ZNF829: variants seen among roughly 807,000 people sequenced by gnomAD.
The protein encoded by ZNF829 is zinc finger protein 829.
In ZNF829, 25 loss-of-function variants were observed where a neutral mutation model predicts 35.2. The observed-to-expected ratio is 0.71, with a 90% CI of 0.52 to 0.99. The LOEUF is 0.99. ZNF829 is among the 50% of genes least tolerant of loss of function. The pLI, the probability that ZNF829 is intolerant of heterozygous loss-of-function variation, is 0.00. For synonymous variants in ZNF829, 136 were observed against 163.2 expected (o/e 0.83, Z 1.27); for missense variants, 417 against 515.3 (o/e 0.81, Z 1.85).
At chr19:36,910,988 C>T (rs994009214) in intron 3 of ZNF829, among the ~76,000 whole-genome samples, 1 of 152,090 alleles carries the variant, frequency 6.6e-6, no homozygotes, top group African/African-American at 2.4e-5. Context: ...GCCTGGACAA[C>T]AGAGTGAAAC....
Position 36,891,686 on chromosome 19 carries a change from G to C in ZNF829, c.1105C>G (p.Gln369Glu). The change falls in exon 6 of 6, where the codon CAA (glutamine) becomes GAA (glutamate). Residue 369 changes from glutamine (Q) to glutamate (E), a missense_variant. Transcript: ENST00000391711. ...KAFIQSSELI[Q>E]HQRIHTDEKP... The stretch of plus-strand genomic sequence containing the variant: ...TCATCTGTATGGATTCTCTGATGTT[G>C]AATAAGTTCTGAGCTCTGAATAAAG... 3.1e-6 allele frequency: 5 copies of C among 1,613,756 alleles called. No homozygotes were observed. Among genetic ancestry groups the C allele is most frequent in the South Asian group, 1.1e-5 (1 of 91,042 alleles).
intron 3 of ZNF829, among the ~76,000 whole-genome samples, chr19:36,911,169 C>T (rs1488079205): frequency 1.3e-5 from 2 of 151,672 alleles, no homozygotes; most frequent in Non-Finnish European, 2.9e-5. Context: ...GTGCCTTAGA[C>T]TTGTGGCTGG....
At chr19:36,914,473 A>T (rs1297837980) in intron 3 of ZNF829, among the ~76,000 whole-genome samples, 1 of 152,174 alleles carries the variant, frequency 6.6e-6, no homozygotes, top group Admixed American at 6.5e-5. Context: ...ATTATTAATC[A>T]CGGAAACCCA....
At chr19:36,907,776 C>G in intron 5 of ZNF829, 153 bp downstream of exon 5, 1 of 572,768 alleles carries the variant, frequency 1.7e-6, no homozygotes, top group Non-Finnish European at 3.0e-6. Context: ...GAGGTACTTG[C>G]TATATTGGAC....
rs532812185 is a variant in ZNF829, at chr19:36,892,104, T to G, written c.687A>C (p.Gln229His). The G allele has an allele frequency of 1.2e-6, 2 of 1,614,070 alleles. No individual in the cohort carries two copies. The highest frequency in any genetic ancestry group is 4.5e-5 in the East Asian group (2 of 44,844). The stretch of plus-strand genomic sequence containing the variant: ...TCTCACCAGTGTGAATCCTCTGATG[T>G]TGAGAAAAATATGAACTACAACTAA... Reference protein sequence around the residue: ...KAFSCSSYFSQHQRIHTGEKP... With the variant: ...KAFSCSSYFSHHQRIHTGEKP... The change falls in exon 6 of 6, where the codon CAA becomes CAC. Residue 229 changes from glutamine to histidine, a missense_variant. By Grantham distance (24) the Gln-to-His change is conservative (BLOSUM62 0). Transcript: ENST00000391711.
chr19:36,896,409 G>A (rs1416431175), intron 5 of ZNF829, among the ~76,000 whole-genome samples: 1 of 152,108 alleles, frequency 6.6e-6, no homozygotes, highest in African/African-American at 2.4e-5. Flanking sequence ...CTTGAACCTG[G>A]GAGGCAGAGG....
At chr19:36,896,614 CA>C (rs1489334936) in intron 5 of ZNF829, among the ~76,000 whole-genome samples, 1 of 152,124 alleles carries the variant, frequency 6.6e-6, no homozygotes, top group African/African-American at 2.4e-5. Flanking sequence ...GATATTAGAC[CA>C]AATGGACCTA....
intron 5 of ZNF829, chr19:36,902,025 A>G (rs760668087): frequency 3.2e-5 from 21 of 649,806 alleles, no homozygotes; most frequent in Non-Finnish European, 5.9e-5. Context: ...CGTAATGGGG[A>G]TGAAGATTCA....
intron 5 of ZNF829, among the ~76,000 whole-genome samples, chr19:36,894,375 G>A (rs146872018): frequency 1.3e-5 from 2 of 152,092 alleles, no homozygotes; most frequent in African/African-American, 4.8e-5. Flanking sequence ...TCAATGTAAG[G>A]ATAAAAGAAA....
At position 36,908,344 on chromosome 19, in the gene ZNF829, A is replaced by C; in HGVS notation, c.212T>G (p.Leu71Arg). 1.2e-6 allele frequency: 2 copies of C among 1,613,204 alleles called. No homozygotes were observed. The highest frequency in any genetic ancestry group is 1.7e-6 in the Non-Finnish European group (2 of 1,179,580). ...ATAGTTATCCTTACCCACTGAAACC[A>C]GGTTGCTGAAATTCTCCAACATCAC... ...KEVMLENFSNLVSVGLSNSKP... is the reference protein window; with the variant it reads ...KEVMLENFSNRVSVGLSNSKP... Residue 71 changes from leucine to arginine, a missense_variant, in exon 4 of 6, where the codon CTG becomes CGG. Physicochemically the swap from Leu to Arg is moderately radical, Grantham distance 102. Transcript: ENST00000391711.
At chr19:36,902,212 C>T (rs73930869) in intron 5 of ZNF829, 3,546 of 184,152 alleles carry the variant, frequency 0.019, 73 homozygotes, top group African/African-American at 0.056. Context: ...CAAAAATAAC[C>T]CCACAACCTC....
chr19:36,897,255 C>A (rs1239441167), intron 5 of ZNF829, among the ~76,000 whole-genome samples: 1 of 152,084 alleles, frequency 6.6e-6, no homozygotes, highest in East Asian at 1.9e-4. Flanking sequence ...ACAACAACAA[C>A]AACAAAAAGA....
At chr19:36,915,373 C>T in intron 1 of ZNF829, 122 bp from the exon 2 acceptor site, 1 of 1,173,186 alleles carries the variant, frequency 8.5e-7, no homozygotes, top group Non-Finnish European at 1.2e-6. Flanking sequence ...CACCTGCCCA[C>T]AAGGAGCCAC....
chr19:36,900,808 A>G (rs1156667863), intron 5 of ZNF829, among the ~76,000 whole-genome samples: 1 of 148,314 alleles, frequency 6.7e-6, no homozygotes, highest in African/African-American at 2.5e-5. Flanking sequence ...AGATTGTGCC[A>G]TTGCACTCCA....
intron 5 of ZNF829, among the ~76,000 whole-genome samples, chr19:36,899,707 G>T (rs2073145203): frequency 1.4e-5 from 2 of 147,300 alleles, no homozygotes; most frequent in Admixed American, 6.9e-5. Context: ...ATACTCTATT[G>T]TATACTAGAA....
intron 3 of ZNF829, 48 bp downstream of exon 3, chr19:36,914,912 GACATT>G: frequency 6.3e-7 from 1 of 1,574,910 alleles, no homozygotes; most frequent in Middle Eastern, 1.7e-4. Context: ...ATAATTAAAT[GACATT>G]CCTTTAAGCA....
Position 36,916,290 on chromosome 19 carries a change from C to T in ZNF829, c.-364G>A. On this transcript the variant is annotated 5_prime_UTR_variant, in exon 1 of 6. Transcript: ENST00000391711. The surrounding 1 kb of genome is among the most constrained non-coding windows in gnomAD (Gnocchi z 5.3). ...CCTCACACAGGAAAGCAGATGTGTT[C>T]TGGCCGGAAGTTGAGTGGGGCCGCG... The T allele has an allele frequency of 4.4e-6, 1 of 224,924 alleles. No homozygotes were observed. The highest frequency in any genetic ancestry group is 8.7e-6 in the Non-Finnish European group (1 of 115,108). The allele number at this position is 224,924 out of a possible 1,614,324, so 13.9% of individuals were successfully genotyped here. A position where few individuals can be genotyped will look rare whatever the true frequency, so the allele number is the denominator to read the frequency against.
At chr19:36,893,636 A>C (rs989546848) in intron 5 of ZNF829, among the ~76,000 whole-genome samples, 33 of 152,190 alleles carry the variant, frequency 2.2e-4, no homozygotes, top group African/African-American at 8.0e-4. Context: ...GTCATAGCAA[A>C]AACAGATATT....
At chr19:36,893,990 C>A (rs1011042204) in intron 5 of ZNF829, among the ~76,000 whole-genome samples, 1 of 152,350 alleles carries the variant, frequency 6.6e-6, no homozygotes, top group East Asian at 1.9e-4. Context: ...TCCACTTCCA[C>A]TTGCTCAAGA....
Sources: gnomAD v4.1 joint callset for allele counts (sites outside exome capture counted in the v4.1 genomes callset) on GRCh38, gnomAD v4.1.1 for gene constraint, Gnocchi (gnomAD v3.1) non-coding constraint, MANE v1.5 for transcripts, NCBI Gene and HGNC (gene_info 2026-07-23, HGNC 2026-07-21) for gene names.